The following SORCS1 variants were observed in gnomAD, a reference collection of about 807,000 sequenced individuals.
SORCS1 encodes VPS10 domain-containing receptor SorCS1.
A neutral mutation model predicts 146.1 loss-of-function variants in SORCS1; 60 were observed. The observed-to-expected ratio is 0.41, with a 90% CI of 0.33 to 0.51. SORCS1 has a LOEUF of 0.51. SORCS1 is among the 20% of genes least tolerant of loss of function. The pLI is 0.21. For missense variants in SORCS1, 1,352 were observed against 1,487.6 expected (o/e 0.91, Z 1.50); for synonymous variants, 637 against 584.0 (o/e 1.09, Z -1.31).
At chr10:106,603,503 G>C (rs1846379066) in intron 23 of SORCS1, among the ~76,000 whole-genome samples, 1 of 152,176 alleles carries the variant, frequency 6.6e-6, no homozygotes, top group African/African-American at 2.4e-5. Context: ...TGCTCCCCAG[G>C]AAGGCTCTCA....
intron 1 of SORCS1, among the ~76,000 whole-genome samples, chr10:107,075,962 G>A (rs1361795757): frequency 1.3e-5 from 2 of 150,920 alleles, no homozygotes; most frequent in African/African-American, 4.9e-5. Flanking sequence ...TTTGAGAAAA[G>A]AAACAAAACT....
At chr10:106,696,904 G>A (rs1053565743) in intron 9 of SORCS1, among the ~76,000 whole-genome samples, 1 of 152,198 alleles carries the variant, frequency 6.6e-6, no homozygotes, top group East Asian at 1.9e-4. Context: ...AAAGAGGGAA[G>A]AGGATAATCA....
rs1191296212 is a variant in SORCS1 at position 106,806,505 on chromosome 10, C to CTT, written c.726+23067_726+23068dup. ...CAGCCCTTCTGATGAGAGAGGAAGC[C>CTT]TTTTTTTTTTTTTTTTTTTTTTTTT... On this transcript the variant is annotated intron_variant, in intron 3 of 25. Transcript: ENST00000263054. Among the ~76,000 whole-genome samples, 257 of 70,420 alleles carry CTT rather than the reference C, an allele frequency of 3.6e-3. 58 individuals are homozygous for CTT. Among genetic ancestry groups the CTT allele is most frequent in the Non-Finnish European group, 5.2e-3 (189 of 36,500 alleles). 46.2% of individuals were successfully genotyped at this position (70,420 alleles called of 152,430 possible). A position where few individuals can be genotyped will look rare whatever the true frequency, so the allele number is the denominator to read the frequency against.
intron 1 of SORCS1, among the ~76,000 whole-genome samples, chr10:106,998,632 A>G (rs1211577933): frequency 6.6e-6 from 1 of 152,258 alleles, no homozygotes; most frequent in African/African-American, 2.4e-5. Context: ...TCTTTTTTAC[A>G]TTAAGAGAAG....
chr10:106,699,130 G>T, intron 9 of SORCS1, 84 bp downstream of exon 9: 2 of 1,248,630 alleles, frequency 1.6e-6, no homozygotes, highest in South Asian at 1.7e-5. Context: ...GTATTAAAAT[G>T]ACCAGGAAAA....
chr10:106,675,225 T>A, intron 13 of SORCS1, 69 bp from the exon 14 acceptor site: 1 of 1,162,342 alleles, frequency 8.6e-7, no homozygotes, highest in Non-Finnish European at 1.3e-6. Flanking sequence ...AAAGGAAAGA[T>A]ACTCTCAACC....
chr10:106,973,808 C>T (rs551369735), intron 1 of SORCS1, among the ~76,000 whole-genome samples: 2 of 152,270 alleles, frequency 1.3e-5, no homozygotes, highest in South Asian at 2.1e-4. Context: ...TAGTGTTTTA[C>T]GTTGTTTTAA....
chr10:106,971,433 T>A (rs750566990), intron 1 of SORCS1, among the ~76,000 whole-genome samples: 1 of 152,212 alleles, frequency 6.6e-6, no homozygotes, highest in East Asian at 1.9e-4. Context: ...ACATGAGCAA[T>A]TATTGTAACT....
At chr10:106,919,652 G>C (rs1952610039) in intron 2 of SORCS1, among the ~76,000 whole-genome samples, 1 of 152,168 alleles carries the variant, frequency 6.6e-6, no homozygotes, top group Non-Finnish European at 1.5e-5. Context: ...GTACTACATA[G>C]TAAATGTCAT....
intron 6 of SORCS1, among the ~76,000 whole-genome samples, chr10:106,721,866 G>T (rs897395957): frequency 3.3e-5 from 5 of 152,020 alleles, no homozygotes; most frequent in Non-Finnish European, 7.4e-5. Flanking sequence ...ATCTACAAAG[G>T]TCTCTATAAT....
At chr10:107,118,084 T>A (rs1454314431) in intron 1 of SORCS1, among the ~76,000 whole-genome samples, 1 of 152,146 alleles carries the variant, frequency 6.6e-6, no homozygotes, top group African/African-American at 2.4e-5. Flanking sequence ...AGTGCAATGA[T>A]ATTTAAAGGT....
chr10:107,047,818 C>T (rs1297921426), intron 1 of SORCS1, among the ~76,000 whole-genome samples: 1 of 152,108 alleles, frequency 6.6e-6, no homozygotes, highest in Non-Finnish European at 1.5e-5. Flanking sequence ...CGTTGGCTCA[C>T]ACCTATAATC....
At chr10:106,626,140 G>A (rs924150639) in intron 19 of SORCS1, among the ~76,000 whole-genome samples, 1 of 152,080 alleles carries the variant, frequency 6.6e-6, no homozygotes, top group African/African-American at 2.4e-5. Context: ...TTTCTGCACT[G>A]GAGAGTGGTC....
intron 1 of SORCS1, among the ~76,000 whole-genome samples, chr10:107,136,947 A>G (rs867730317): frequency 3.3e-5 from 5 of 152,126 alleles, no homozygotes; most frequent in African/African-American, 9.7e-5. Flanking sequence ...AAATCACTCT[A>G]TCTTCTACAG....
intron 2 of SORCS1, among the ~76,000 whole-genome samples, chr10:106,940,917 G>T (rs998504105): frequency 1.3e-5 from 2 of 152,142 alleles, no homozygotes; most frequent in African/African-American, 4.8e-5. Context: ...TATTCTCTGT[G>T]TGGATAGAGA....
intron 2 of SORCS1, among the ~76,000 whole-genome samples, chr10:106,879,670 C>T (rs531887795): frequency 6.6e-6 from 1 of 152,300 alleles, no homozygotes; most frequent in East Asian, 1.9e-4. Context: ...GTGAGAAGGA[C>T]AGCCCCTGCC....
At chr10:106,583,685 C>T (rs1022049349) in intron 24 of SORCS1, among the ~76,000 whole-genome samples, 12 of 150,990 alleles carry the variant, frequency 7.9e-5, no homozygotes, top group Non-Finnish European at 1.2e-4. Flanking sequence ...TTTTTTTGTA[C>T]TTTTAGTAGA....
chr10:107,046,820 C>T (rs1959500900), intron 1 of SORCS1, among the ~76,000 whole-genome samples: 1 of 152,142 alleles, frequency 6.6e-6, no homozygotes, highest in South Asian at 2.1e-4. Flanking sequence ...ACCCAAAACA[C>T]TGGGTCTACC....
intron 20 of SORCS1, 47 bp from the exon 21 acceptor site, chr10:106,618,319 A>C (rs956765526): frequency 2.5e-6 from 4 of 1,601,388 alleles, no homozygotes; most frequent in African/African-American, 1.3e-5. Context: ...CTTTAGTTAC[A>C]GGTGACACAG....
Sources: gnomAD v4.1 joint callset for allele counts (sites outside exome capture counted in the v4.1 genomes callset) on GRCh38, gnomAD v4.1.1 for gene constraint, MANE v1.5 for transcripts, NCBI Gene and HGNC (gene_info 2026-07-23, HGNC 2026-07-21) for gene names.